Variants in STK32B observed in about 807,000 individuals in gnomAD.
STK32B encodes serine/threonine-protein kinase 32B.
Under a neutral mutation model 52.6 loss-of-function variants are expected in STK32B, and 43 were observed. The ratio of observed to expected loss-of-function variants is 0.82; its 90% CI spans 0.64 to 1.05. The LOEUF (loss-of-function observed/expected upper bound fraction) is 1.05. Ranked by LOEUF, STK32B falls within the 50% of genes least tolerant of loss-of-function variation. The pLI is 0.00. For missense variants in STK32B, 621 were observed against 534.6 expected (o/e 1.16, Z -1.59); for synonymous variants, 238 against 204.3 (o/e 1.17, Z -1.41).
intron 3 of STK32B, among the ~76,000 whole-genome samples, chr4:5,309,631 GAGA>G (rs1450689382): frequency 1.3e-5 from 2 of 152,106 alleles, no homozygotes; most frequent in Non-Finnish European, 2.9e-5. Context: ...ATTTACAGGG[GAGA>G]AGGACAGTCT....
intron 9 of STK32B, among the ~76,000 whole-genome samples, chr4:5,463,978 C>G (rs1253203311): frequency 6.6e-6 from 1 of 152,184 alleles, no homozygotes; most frequent in Non-Finnish European, 1.5e-5. Flanking sequence ...GCTTACAGTC[C>G]TGCGGGCTGT....
In STK32B at chr4:5,054,738, G is replaced by A. The variant is rs181875032; in HGVS notation, c.52+2823G>A. 5.4e-3 allele frequency among the ~76,000 whole-genome samples: 823 copies of A among 152,306 alleles called. 30 individuals carry two copies. Among genetic ancestry groups the A allele is most frequent in the East Asian group, 2.1e-3 (11 of 5,188 alleles). On this transcript the variant is annotated intron_variant, in intron 1 of 11. Coordinates refer to ENST00000282908, the MANE Select transcript of STK32B (RefSeq NM_018401.3). ...AAACCATAGTCATTGCGTGGTTGAAGGTTGAAGATGCAAACACCTGCCTGA... is the reference window on the plus strand; with the variant it reads ...AAACCATAGTCATTGCGTGGTTGAAAGTTGAAGATGCAAACACCTGCCTGA...
At chr4:5,333,411 C>A (rs192407243) in intron 4 of STK32B, among the ~76,000 whole-genome samples, 26 of 152,246 alleles carry the variant, frequency 1.7e-4, no homozygotes, top group Non-Finnish European at 3.5e-4. Context: ...GGAAAATGTT[C>A]TCCCATTTTG....
At chr4:5,118,608 C>T (rs73089674) in intron 1 of STK32B, among the ~76,000 whole-genome samples, 4,646 of 152,272 alleles carry the variant, frequency 0.031, 240 homozygotes, top group African/African-American at 0.11. Flanking sequence ...ACCTCCTTTG[C>T]ATGACTCGCT....
intron 3 of STK32B, among the ~76,000 whole-genome samples, chr4:5,201,376 A>C (rs999765621): frequency 6.6e-6 from 1 of 152,156 alleles, no homozygotes; most frequent in African/African-American, 2.4e-5. Flanking sequence ...AGGTTCGCGC[A>C]GGACTGCCAC....
At chr4:5,020,865 C>T in the STK32B span, among the ~76,000 whole-genome samples, 1 of 152,168 alleles carries the variant, frequency 6.6e-6, no homozygotes, top group Admixed American at 6.5e-5. Context: ...TTCCCAATTC[C>T]CAGGCGAGGA....
intron 1 of STK32B, among the ~76,000 whole-genome samples, chr4:5,056,848 T>C (rs1168032512): frequency 6.6e-6 from 1 of 152,222 alleles, no homozygotes; most frequent in African/African-American, 2.4e-5. Context: ...GTGAAGAATT[T>C]TCCCAAGGGA....
At chr4:5,287,031 C>T (rs1220349320) in intron 3 of STK32B, among the ~76,000 whole-genome samples, 3 of 151,978 alleles carry the variant, frequency 2.0e-5, no homozygotes, top group Non-Finnish European at 4.4e-5. Flanking sequence ...CTCCTGACCT[C>T]GTGTTCCGCC....
At chr4:5,315,168 G>A (rs1412190087) in intron 3 of STK32B, among the ~76,000 whole-genome samples, 2 of 152,142 alleles carry the variant, frequency 1.3e-5, no homozygotes, top group Non-Finnish European at 2.9e-5. Context: ...CAAAAGACAT[G>A]AACAGACATT....
the STK32B span, among the ~76,000 whole-genome samples, chr4:5,035,038 C>G: frequency 6.6e-6 from 1 of 152,238 alleles, no homozygotes; most frequent in East Asian, 1.9e-4. Flanking sequence ...AACCTGTGCC[C>G]CATGGATTGG....
the STK32B span, among the ~76,000 whole-genome samples, chr4:5,028,880 G>T: frequency 6.6e-6 from 1 of 152,202 alleles, no homozygotes; most frequent in Non-Finnish European, 1.5e-5. Flanking sequence ...AAGCTATACA[G>T]GAAGCATGAT....
rs115576863 is a variant in STK32B, at chr4:5,398,768, G to A, written c.472+524G>A. On this transcript the variant is annotated intron_variant, in intron 5 of 11. Coordinates refer to ENST00000282908, the MANE Select transcript of STK32B (RefSeq NM_018401.3). The surrounding 1 kb of genome is among the most constrained non-coding windows in gnomAD (Gnocchi z 4.9). ...TCAAAATTTCCTTTATGTGCACACA[G>A]ATCTCCTAGGCATCTTCTCAAACTG... Among the ~76,000 whole-genome samples the A allele has an allele frequency of 0.026, 3,896 of 152,244 alleles. 120 individuals carry two copies. The highest frequency in any genetic ancestry group is 0.081 in the East Asian group (417 of 5,170).
chr4:5,247,565 ACTGCACCCACTGTC>A (rs549974949), intron 3 of STK32B, among the ~76,000 whole-genome samples: 12 of 152,188 alleles, frequency 7.9e-5, no homozygotes, highest in Admixed American at 5.2e-4. Flanking sequence ...CTCATGGTGT[ACTGCACCCACTGTC>A]CTGCACCCAC....
chr4:5,293,081 A>G (rs1847282), intron 3 of STK32B, among the ~76,000 whole-genome samples: 33,833 of 151,832 alleles, frequency 0.22, 5,411 homozygotes, highest in African/African-American at 0.46. Context: ...TGAGAATGAT[A>G]GTTTCCAGCT....
the STK32B span, among the ~76,000 whole-genome samples, chr4:5,023,023 A>G: frequency 1.8e-4 from 27 of 150,700 alleles, 1 homozygote; most frequent in African/African-American, 5.1e-4. Context: ...GTGTGTGTAT[A>G]TGTGTGTGTT....
chr4:5,444,917 A>G (rs1001561471), intron 6 of STK32B, among the ~76,000 whole-genome samples: 2 of 152,142 alleles, frequency 1.3e-5, no homozygotes, highest in African/African-American at 4.8e-5. Context: ...GGACCAAATA[A>G]TCTAAGGGAC....
intron 11 of STK32B, among the ~76,000 whole-genome samples, chr4:5,493,558 T>A (rs1156552707): frequency 6.6e-6 from 1 of 152,134 alleles, no homozygotes; most frequent in East Asian, 1.9e-4. Flanking sequence ...TTTGAAGGGT[T>A]TTTTTGTGTC....
At chr4:5,139,111 C>T (rs982481516) in intron 1 of STK32B, among the ~76,000 whole-genome samples, 1 of 152,154 alleles carries the variant, frequency 6.6e-6, no homozygotes, top group African/African-American at 2.4e-5. Flanking sequence ...TAGACCAGAG[C>T]AGTGGCCATA....
intron 3 of STK32B, among the ~76,000 whole-genome samples, chr4:5,204,520 A>AGAGC (rs1226181451): frequency 7.0e-6 from 1 of 142,432 alleles, no homozygotes. Context: ...CCCAGGCTGG[A>AGAGC]GAGCAATGGC....
Sources: allele counts gnomAD v4.1 joint callset (sites outside exome capture counted in the v4.1 genomes callset), GRCh38; gene constraint gnomAD v4.1.1; non-coding constraint Gnocchi (gnomAD v3.1); transcripts MANE v1.5; gene names NCBI Gene and HGNC (gene_info 2026-07-23, HGNC 2026-07-21).